RAD18: variants seen among roughly 807,000 people sequenced by gnomAD.
RAD18 encodes the protein E3 ubiquitin-protein ligase RAD18.
Under a neutral mutation model 60.4 loss-of-function variants are expected in RAD18, and 47 were observed. That is an observed-to-expected ratio of 0.78 (90% confidence interval 0.62 to 0.99). The LOEUF (loss-of-function observed/expected upper bound fraction) is 0.99. RAD18 is among the 50% of genes least tolerant of loss of function. The probability of loss-of-function intolerance (pLI) is 0.00; values close to 1 mark genes in which losing one functional copy is unlikely to be tolerated. For missense variants in RAD18, 640 were observed against 593.3 expected (o/e 1.08, Z -0.82); for synonymous variants, 225 against 195.5 (o/e 1.15, Z -1.26).
chr3:8,959,271 C>G (rs1941060043), intron 1 of RAD18, among the ~76,000 whole-genome samples: 2 of 152,246 alleles, frequency 1.3e-5, no homozygotes, highest in South Asian at 4.1e-4. Context: ...ATATTGTCAT[C>G]CCTTCACATA....
chr3:8,891,455 C>T (rs903122061), intron 11 of RAD18, among the ~76,000 whole-genome samples: 1 of 152,104 alleles, frequency 6.6e-6, no homozygotes, highest in African/African-American at 2.4e-5. Flanking sequence ...AAATCACCAG[C>T]ACAAATCACT....
rs1463698927 is a variant in RAD18, at chr3:8,902,521, C to T, written c.1028-1G>A. On this transcript the variant is annotated splice_acceptor_variant, in intron 9 of 12. Transcript: ENST00000264926. LOFTEE classifies it high-confidence loss of function. ...TGAAATTCACTCTTATGTTTTTTAC[C>T]TGAAATTCAAAAGATCTTCTCAGTA... 9 of 1,594,980 alleles carry T rather than the reference C, an allele frequency of 5.6e-6. No homozygotes were observed. Among genetic ancestry groups the T allele is most frequent in the Non-Finnish European group, 7.7e-6 (9 of 1,173,416 alleles).
chr3:8,879,246 C>A lies in RAD18; in HGVS notation c.*2111G>T, dbSNP rs375861403. On this transcript the variant is annotated 3_prime_UTR_variant, in exon 13 of 13. Coordinates refer to ENST00000264926, the MANE Select transcript of RAD18 (RefSeq NM_020165.4). ...CTAAATATGTTGGAAGTCTTAACTG[C>A]CGGTATCTCAGAATGTGACAGTATT... 1 of 152,134 alleles carries A rather than the reference C, an allele frequency of 6.6e-6. No individual in the cohort carries two copies. The highest frequency in any genetic ancestry group is 2.4e-5 in the African/African-American group (1 of 41,432). The allele number at this position is 152,134 out of a possible 1,614,324, so 9.4% of individuals were successfully genotyped here. A position where few individuals can be genotyped will look rare whatever the true frequency, so the allele number is the denominator to read the frequency against.
chr3:8,915,319 G>C (rs191900866), intron 7 of RAD18, among the ~76,000 whole-genome samples: 2 of 152,092 alleles, frequency 1.3e-5, no homozygotes, highest in East Asian at 3.9e-4. Context: ...AATTTTTCTT[G>C]AATCCATCAG....
In RAD18 at chr3:8,941,580, C is replaced by A; in HGVS notation, c.491G>T (p.Ser164Ile). 1 of 1,614,126 alleles carries A rather than the reference C, an allele frequency of 6.2e-7. No homozygotes were observed. Among genetic ancestry groups the A allele is most frequent in the Non-Finnish European group, 8.5e-7 (1 of 1,179,998 alleles). ...KSKFSPQKEA[S>I]PAAKTKETRS... ...TGTCTCTTTGGTCTTTGCAGCAGGGCTCGCCTCTTTTTGAGGGCTGAATTT... is the reference window on the plus strand; with the variant it reads ...TGTCTCTTTGGTCTTTGCAGCAGGGATCGCCTCTTTTTGAGGGCTGAATTT... Residue 164 changes from serine to isoleucine, a missense_variant, in exon 5 of 13, where the codon AGC (serine) becomes ATC (isoleucine). Ser to Ile is a moderately radical substitution (Grantham distance 142). Coordinates refer to ENST00000264926, the MANE Select transcript of RAD18 (RefSeq NM_020165.4).
At chr3:8,914,636 G>C (rs1559772309) in intron 7 of RAD18, among the ~76,000 whole-genome samples, 1 of 152,124 alleles carries the variant, frequency 6.6e-6, no homozygotes, top group East Asian at 1.9e-4. Flanking sequence ...TGAGCACTGA[G>C]AGGTACCTTT....
intron 9 of RAD18, among the ~76,000 whole-genome samples, chr3:8,908,945 C>T (rs341780): frequency 0.7 from 106,021 of 152,046 alleles, 37,437 homozygotes; most frequent in Middle Eastern, 0.76. Context: ...AATAGTACTA[C>T]GAAAAAACAC....
intron 5 of RAD18, among the ~76,000 whole-genome samples, chr3:8,940,411 T>C (rs1437573815): frequency 2.6e-5 from 4 of 152,148 alleles, no homozygotes; most frequent in Non-Finnish European, 5.9e-5. Flanking sequence ...AACTGTCAAT[T>C]GGTAAAAAGA....
At chr3:8,953,269 T>C (rs1940956039) in intron 2 of RAD18, among the ~76,000 whole-genome samples, 1 of 151,276 alleles carries the variant, frequency 6.6e-6, no homozygotes, top group African/African-American at 2.4e-5. Flanking sequence ...ATATATTATG[T>C]ATACATCAAT....
chr3:8,945,365 G>A (rs986570794), intron 4 of RAD18, among the ~76,000 whole-genome samples: 4 of 151,722 alleles, frequency 2.6e-5, no homozygotes, highest in Non-Finnish European at 5.9e-5. Context: ...CACAGTGGTG[G>A]TTTCATTAGA....
intron 9 of RAD18, among the ~76,000 whole-genome samples, chr3:8,911,290 T>C (rs1244108531): frequency 6.6e-6 from 1 of 152,234 alleles, no homozygotes; most frequent in African/African-American, 2.4e-5. Flanking sequence ...GATTATTAGA[T>C]ACCACCCTTT....
intron 7 of RAD18, 74 bp from the exon 8 acceptor site, chr3:8,913,794 T>C (rs1188982247): frequency 1.0e-6 from 1 of 985,980 alleles, no homozygotes; most frequent in Non-Finnish European, 1.4e-6. Flanking sequence ...TTATTTAAGT[T>C]GTTAACATTA....
At chr3:8,906,183 T>C (rs1338297514) in intron 9 of RAD18, among the ~76,000 whole-genome samples, 1 of 152,210 alleles carries the variant, frequency 6.6e-6, no homozygotes, top group African/African-American at 2.4e-5. Flanking sequence ...TACCATTTTG[T>C]GAAGCTTTTG....
At chr3:8,955,309 A>G (rs991885986) in intron 2 of RAD18, among the ~76,000 whole-genome samples, 1 of 152,188 alleles carries the variant, frequency 6.6e-6, no homozygotes, top group Non-Finnish European at 1.5e-5. Context: ...ACACGGTCCA[A>G]TGTTCTAGCT....
chr3:8,923,903 T>A (rs564306152), intron 7 of RAD18, among the ~76,000 whole-genome samples: 12 of 152,104 alleles, frequency 7.9e-5, no homozygotes, highest in African/African-American at 2.7e-4. Context: ...CTAAAAGAGC[T>A]CCTGAAGGAA....
intron 3 of RAD18, 57 bp downstream of exon 3, chr3:8,948,452 A>G (rs1450091385): frequency 1.6e-5 from 23 of 1,475,676 alleles, no homozygotes; most frequent in Non-Finnish European, 8.5e-6. Flanking sequence ...ACGTATACAC[A>G]AAGCAGAAAT....
chr3:8,912,340 C>A lies in RAD18; in HGVS notation c.999G>T (p.Lys333Asn). 1 of 1,564,718 alleles carries A rather than the reference C, an allele frequency of 6.4e-7. No individual in the cohort carries two copies. The highest frequency in any genetic ancestry group is 8.6e-7 in the Non-Finnish European group (1 of 1,157,876). The change falls in exon 9 of 13, where the codon AAG becomes AAT. Residue 333 changes from lysine (K) to asparagine (N), a missense_variant. Lys to Asn is a moderately conservative substitution (Grantham distance 94, BLOSUM62 0). Transcript: ENST00000264926. Reference sequence around the variant, plus strand: ...ATTTACTGTGGATTTCATCTATTTCCTTTTCTGTTTGGTCCTTTGTAAAAA... The same window carrying A: ...ATTTACTGTGGATTTCATCTATTTCATTTTCTGTTTGGTCCTTTGTAAAAA... ...VMVFTKDQTE[K>N]EIDEIHSKYR...
At chr3:8,928,383 T>C (rs1236874332) in intron 7 of RAD18, among the ~76,000 whole-genome samples, 2 of 152,240 alleles carry the variant, frequency 1.3e-5, no homozygotes, top group Admixed American at 6.5e-5. Flanking sequence ...ATGGTAGAGC[T>C]TGTCAAATTA....
intron 6 of RAD18, among the ~76,000 whole-genome samples, chr3:8,937,984 C>T (rs1039638798): frequency 2.0e-5 from 3 of 152,094 alleles, no homozygotes; most frequent in African/African-American, 4.8e-5. Context: ...ATGGATGGAT[C>T]TAGAAAAAGG....
Sources: gnomAD v4.1 joint callset for allele counts (sites outside exome capture counted in the v4.1 genomes callset) on GRCh38, gnomAD v4.1.1 for gene constraint, MANE v1.5 for transcripts, NCBI Gene and HGNC (gene_info 2026-07-23, HGNC 2026-07-21) for gene names.